Variants in C8orf34 observed in about 807,000 individuals in gnomAD.
C8orf34 encodes chromosome 8 open reading frame 34, also known as uncharacterized protein C8orf34.
Under a neutral mutation model 68.3 loss-of-function variants are expected in C8orf34, and 65 were observed. The observed-to-expected ratio is 0.95, with a 90% CI of 0.78 to 1.17. The LOEUF (loss-of-function observed/expected upper bound fraction) is 1.17, where lower values mean the gene tolerates loss of function less well. Ranked by LOEUF, C8orf34 falls within the 50% of genes most tolerant of loss-of-function variation. The pLI is 0.00. For synonymous variants in C8orf34, 244 were observed against 241.2 expected, an observed-to-expected ratio of 1.01 and a Z score of -0.11; for missense variants, 664 against 655.4, an observed-to-expected ratio of 1.01 and a Z score of -0.14.
intron 1 of C8orf34, among the ~76,000 whole-genome samples, chr8:68,331,647 C>T (rs528696445): frequency 2.0e-5 from 3 of 151,942 alleles, no homozygotes; most frequent in South Asian, 2.1e-4. Context: ...TGTTCAGGAC[C>T]CGGGCAGGCT....
At chr8:68,348,956 A>C (rs1806394859) in intron 1 of C8orf34, among the ~76,000 whole-genome samples, 1 of 151,584 alleles carries the variant, frequency 6.6e-6, no homozygotes, top group Admixed American at 6.6e-5. Flanking sequence ...AATGCATTTT[A>C]TTTCTTTCTC....
Position 68,349,732 on chromosome 8 carries a change from A to G in C8orf34, c.327+18393A>G, listed in dbSNP as rs374919500. Among the ~76,000 whole-genome samples the G allele has an allele frequency of 9.2e-5, 14 of 151,862 alleles. No homozygotes were observed. The South Asian group carries it at 1.5e-3, about 16-fold the overall frequency. On this transcript the variant is annotated intron_variant, in intron 1 of 13. Transcript: ENST00000518698. ...GGTGTATGTGCCCAGAAATTTATCT[A>G]TCTCTTTTAGGTTTTCGAGTTTGTG...
chr8:68,511,042 A>G (rs141186578), intron 5 of C8orf34, among the ~76,000 whole-genome samples: 16 of 152,228 alleles, frequency 1.1e-4, no homozygotes, highest in Middle Eastern at 3.4e-3. Context: ...AGGGAAGCAT[A>G]CTCTTCCAGT....
intron 5 of C8orf34, among the ~76,000 whole-genome samples, chr8:68,502,491 A>G (rs1813821392): frequency 6.6e-6 from 1 of 152,194 alleles, no homozygotes; most frequent in African/African-American, 2.4e-5. Flanking sequence ...TAACCCCAAT[A>G]TAGTGAGTTA....
chr8:68,539,891 A>T (rs964427630), intron 7 of C8orf34, among the ~76,000 whole-genome samples: 17 of 152,106 alleles, frequency 1.1e-4, no homozygotes, highest in Non-Finnish European at 5.9e-5. Context: ...TACTAAATAC[A>T]TGTTAACGGA....
chr8:68,666,242 T>A (rs1334555458), intron 8 of C8orf34, among the ~76,000 whole-genome samples: 1 of 152,050 alleles, frequency 6.6e-6, no homozygotes, highest in Non-Finnish European at 1.5e-5. Flanking sequence ...TAGGGTAAGG[T>A]AGGGATGGGG....
intron 12 of C8orf34, among the ~76,000 whole-genome samples, chr8:68,789,309 G>C (rs527974978): frequency 6.6e-6 from 1 of 152,360 alleles, no homozygotes; most frequent in Non-Finnish European, 1.5e-5. Context: ...CATCCTTATA[G>C]AATGCAGAGC....
chr8:68,543,304 T>C (rs1161615515), intron 7 of C8orf34, among the ~76,000 whole-genome samples: 1 of 152,118 alleles, frequency 6.6e-6, no homozygotes, highest in African/African-American at 2.4e-5. Flanking sequence ...TCAAATTTCC[T>C]TTTAAATAAT....
At chr8:68,611,162 C>A (rs1240126634) in intron 7 of C8orf34, among the ~76,000 whole-genome samples, 1 of 152,064 alleles carries the variant, frequency 6.6e-6, no homozygotes, top group African/African-American at 2.4e-5. Context: ...CTGTGCCCAG[C>A]CTACAGTGAA....
intron 1 of C8orf34, among the ~76,000 whole-genome samples, chr8:68,435,978 C>T (rs1742223087): frequency 2.6e-5 from 4 of 152,282 alleles, no homozygotes; most frequent in Admixed American, 2.0e-4. Context: ...TAGGCCAAGG[C>T]AGGTGGATAA....
At chr8:68,761,634 C>T (rs965186001) in intron 10 of C8orf34, among the ~76,000 whole-genome samples, 1 of 152,200 alleles carries the variant, frequency 6.6e-6, no homozygotes, top group Non-Finnish European at 1.5e-5. Context: ...AGACCCCTCT[C>T]TATTTGCCAC....
At chr8:68,782,468 G>A (rs1202074673) in intron 11 of C8orf34, among the ~76,000 whole-genome samples, 1 of 148,784 alleles carries the variant, frequency 6.7e-6, no homozygotes, top group East Asian at 2.0e-4. Context: ...CCTGCAATAG[G>A]CCATCTAGTG....
At chr8:68,750,184 A>T (rs1822661252) in intron 10 of C8orf34, among the ~76,000 whole-genome samples, 1 of 152,206 alleles carries the variant, frequency 6.6e-6, no homozygotes, top group Non-Finnish European at 1.5e-5. Context: ...GTTCATAGCA[A>T]CACTATTCAT....
At chr8:68,782,532 G>GA (rs11413818) in intron 11 of C8orf34, among the ~76,000 whole-genome samples, 71,093 of 150,408 alleles carry the variant, frequency 0.47, 19,385 homozygotes, top group African/African-American at 0.76. Flanking sequence ...TACTACTTAT[G>GA]AGTACAAGAG....
intron 1 of C8orf34, among the ~76,000 whole-genome samples, chr8:68,337,432 G>A (rs956653277): frequency 1.3e-5 from 2 of 152,134 alleles, no homozygotes; most frequent in Non-Finnish European, 2.9e-5. Context: ...TTTCAAAAAT[G>A]TTAAAGTCAT....
chr8:68,702,640 C>T (rs143245686), intron 8 of C8orf34, among the ~76,000 whole-genome samples: 2 of 152,226 alleles, frequency 1.3e-5, no homozygotes, highest in African/African-American at 4.8e-5. Context: ...TGCCCATGAA[C>T]CTGAAATCTG....
chr8:68,530,437 A>AT (rs1229880441), intron 6 of C8orf34, among the ~76,000 whole-genome samples: 2 of 152,146 alleles, frequency 1.3e-5, no homozygotes, highest in Non-Finnish European at 2.9e-5. Flanking sequence ...AATGAATTTA[A>AT]TTTAGATAAA....
intron 7 of C8orf34, among the ~76,000 whole-genome samples, chr8:68,585,223 G>T (rs1817174075): frequency 6.6e-6 from 1 of 152,076 alleles, no homozygotes; most frequent in Admixed American, 6.6e-5. Context: ...CACATCTGTA[G>T]AACAGAGAGA....
At chr8:68,756,934 G>A (rs560283338) in intron 10 of C8orf34, among the ~76,000 whole-genome samples, 4 of 152,212 alleles carry the variant, frequency 2.6e-5, no homozygotes, top group African/African-American at 9.6e-5. Context: ...AAACACAGTT[G>A]ACAGATGGGT....
Sources: gnomAD v4.1 joint callset for allele counts (sites outside exome capture counted in the v4.1 genomes callset) on GRCh38, gnomAD v4.1.1 for gene constraint, MANE v1.5 for transcripts, NCBI Gene and HGNC (gene_info 2026-07-23, HGNC 2026-07-21) for gene names.